Variants in KCNC4 observed in about 807,000 individuals in gnomAD.
KCNC4 encodes the protein potassium voltage-gated channel subfamily C member 4.
In KCNC4, 23 loss-of-function variants were observed where a neutral mutation model predicts 42.8. The ratio of observed to expected loss-of-function variants is 0.54; its 90% CI spans 0.39 to 0.76. The LOEUF is 0.76. KCNC4 is among the 30% of genes least tolerant of loss of function. The pLI, the probability that KCNC4 is intolerant of heterozygous loss-of-function variation, is 0.00. For synonymous variants in KCNC4, 422 were observed against 393.5 expected (o/e 1.07, Z -0.86); for missense variants, 751 against 898.2 (o/e 0.84, Z 2.10).
intron 1 of KCNC4, among the ~76,000 whole-genome samples, chr1:110,277,669 C>T (rs1659748047): frequency 6.6e-6 from 1 of 152,218 alleles, no homozygotes; most frequent in African/African-American, 2.4e-5. Flanking sequence ...GAAGTAACAT[C>T]ATAAAAGGCC....
At position 110,211,525 on chromosome 1, in the gene KCNC4, C is replaced by A; in HGVS notation, c.26C>A (p.Ser9Tyr). 1 of 1,613,972 alleles carries A rather than the reference C, an allele frequency of 6.2e-7. No individual in the cohort carries two copies. Among genetic ancestry groups the A allele is most frequent in the Non-Finnish European group, 8.5e-7 (1 of 1,179,960 alleles). Residue 9 changes from serine to tyrosine, a missense_variant, in exon 1 of 4, where the codon TCC becomes TAC. Ser to Tyr is a moderately radical substitution (Grantham distance 144). This residue lies in a region of KCNC4 where 183 missense variants were observed against 255.8 expected (regional missense o/e 0.72). Coordinates refer to ENST00000438661, the MANE Select transcript of KCNC4 (RefSeq NM_001039574.3). This position sits in a 1 kb window ranked among gnomAD's most constrained non-coding sequence, Gnocchi z 6.5. ...ATGATCAGCTCGGTGTGTGTCTCCT[C>A]CTACCGCGGGCGCAAGTCGGGGAAC... Reference protein sequence around the residue: MISSVCVSSYRGRKSGNKP... With the variant: MISSVCVSYYRGRKSGNKP...
intron 3 of KCNC4, 98 bp from the exon 4 acceptor site, chr1:110,232,813 T>A: frequency 6.5e-7 from 1 of 1,548,886 alleles, no homozygotes; most frequent in Non-Finnish European, 8.7e-7. Context: ...TGTTTCTCCC[T>A]TTCTTTTGCT....
At chr1:110,280,273 G>T (rs1244195455) in intron 1 of KCNC4, among the ~76,000 whole-genome samples, 2 of 152,132 alleles carry the variant, frequency 1.3e-5, no homozygotes, top group African/African-American at 4.8e-5. Context: ...AGGCCAGTGT[G>T]CCTCCAAAGC....
intron 1 of KCNC4, among the ~76,000 whole-genome samples, chr1:110,278,943 C>G (rs966411664): frequency 6.6e-6 from 1 of 152,150 alleles, no homozygotes; most frequent in Non-Finnish European, 1.5e-5. Flanking sequence ...AACCTTTCTT[C>G]CGTCTCATGT....
chr1:110,279,724 C>T (rs1054942884), intron 1 of KCNC4, among the ~76,000 whole-genome samples: 4 of 151,394 alleles, frequency 2.6e-5, no homozygotes, highest in South Asian at 2.1e-4. Context: ...GAATCTGGTA[C>T]CTGTGTCACT....
chr1:110,231,713 A>G (rs1191771167), intron 3 of KCNC4, among the ~76,000 whole-genome samples: 1 of 152,190 alleles, frequency 6.6e-6, no homozygotes, highest in Non-Finnish European at 1.5e-5. Flanking sequence ...GCGTGTCCTC[A>G]GAAATGGGGC....
chr1:110,222,793 A>C, intron 1 of KCNC4, 171 bp from the exon 2 acceptor site: 1 of 587,734 alleles, frequency 1.7e-6, no homozygotes, highest in South Asian at 2.2e-5. Flanking sequence ...CCCCAAGCAT[A>C]TGGATAAAGA....
chr1:110,253,271 T>G (rs1464541273), downstream of KCNC4, among the ~76,000 whole-genome samples: 2 of 152,204 alleles, frequency 1.3e-5, no homozygotes, highest in Non-Finnish European at 2.9e-5. Context: ...TGCATCTTCT[T>G]GTTTTGCACA....
In KCNC4 at chr1:110,211,479, C is replaced by G. The variant is rs1319376294; in HGVS notation, c.-21C>G. The stretch of plus-strand genomic sequence containing the variant: ...TTGGAGGGCAGCGGCCGCCCCAAGC[C>G]GGAGCCCCGCAGCGCTTCTTATGAT... On this transcript the variant is annotated 5_prime_UTR_variant, in exon 1 of 4. Transcript: ENST00000438661. This position sits in a 1 kb window ranked among gnomAD's most constrained non-coding sequence, Gnocchi z 6.5. 1.9e-6 allele frequency: 3 copies of G among 1,598,270 alleles called. No homozygotes were observed. Among genetic ancestry groups the G allele is most frequent in the East Asian group, 2.3e-5 (1 of 44,284 alleles).
intron 1 of KCNC4, among the ~76,000 whole-genome samples, chr1:110,271,235 G>C (rs1294221096): frequency 1.3e-5 from 2 of 152,174 alleles, no homozygotes; most frequent in Non-Finnish European, 2.9e-5. Flanking sequence ...GAGTATAGCT[G>C]AGCACTGATG....
At chr1:110,266,731 C>T (rs1476828189) in intron 1 of KCNC4, among the ~76,000 whole-genome samples, 4 of 152,138 alleles carry the variant, frequency 2.6e-5, no homozygotes, top group Non-Finnish European at 5.9e-5. Flanking sequence ...AGATTGGCCC[C>T]CTTGCTCTTT....
intron 3 of KCNC4, among the ~76,000 whole-genome samples, chr1:110,227,992 C>T (rs1211607785): frequency 6.6e-6 from 1 of 152,172 alleles, no homozygotes; most frequent in Non-Finnish European, 1.5e-5. Context: ...GCATGTAGCT[C>T]AGCCAATTAG....
At chr1:110,232,758 C>A in intron 3 of KCNC4, 153 bp from the exon 4 acceptor site, 1 of 1,535,574 alleles carries the variant, frequency 6.5e-7, no homozygotes, top group African/African-American at 1.4e-5. Flanking sequence ...CCTTAGCCCA[C>A]ACCCTGTGGG....
intron 1 of KCNC4, among the ~76,000 whole-genome samples, chr1:110,282,109 G>A (rs1035446791): frequency 2.6e-5 from 4 of 152,144 alleles, no homozygotes; most frequent in Admixed American, 6.5e-5. Context: ...TCCCACCCCC[G>A]AGTCATTCTC....
chr1:110,253,822 C>T (rs986946382), downstream of KCNC4, among the ~76,000 whole-genome samples: 3 of 152,176 alleles, frequency 2.0e-5, no homozygotes, highest in Non-Finnish European at 2.9e-5. Flanking sequence ...GAAAGCATCT[C>T]AAGTGAAGCT....
intron 1 of KCNC4, among the ~76,000 whole-genome samples, chr1:110,264,293 TGGA>T (rs1659501766): frequency 1.3e-5 from 2 of 152,130 alleles, no homozygotes; most frequent in South Asian, 4.1e-4. Flanking sequence ...CATCTCAAAG[TGGA>T]GGAGAGAGGA....
intron 1 of KCNC4, among the ~76,000 whole-genome samples, chr1:110,263,981 A>G (rs1659497910): frequency 6.6e-6 from 1 of 152,148 alleles, no homozygotes; most frequent in Non-Finnish European, 1.5e-5. Flanking sequence ...TCTTGGTACA[A>G]CTGAAGAATT....
At chr1:110,216,435 CA>C (rs1402747991) in intron 1 of KCNC4, among the ~76,000 whole-genome samples, 1 of 152,220 alleles carries the variant, frequency 6.6e-6, no homozygotes. Flanking sequence ...GCCCTGCCCG[CA>C]GGGCATCCTC....
rs1557865202 is a variant in KCNC4 at position 110,233,167 on chromosome 1, C to T, written c.*195C>T. ...TCTGATGTTCTGTTCCATTGTACAT[C>T]GAAGAGATATATATGCACATATAGT... On this transcript the variant is annotated 3_prime_UTR_variant, in exon 4 of 4. Transcript: ENST00000438661. 4 of 631,208 alleles carry T rather than the reference C, an allele frequency of 6.3e-6. No homozygotes were observed. Among genetic ancestry groups the T allele is most frequent in the African/African-American group, 1.8e-5 (1 of 54,476 alleles). 39.1% of individuals were successfully genotyped at this position (631,208 alleles called of 1,614,324 possible).
Sources: gnomAD v4.1 joint callset for allele counts (sites outside exome capture counted in the v4.1 genomes callset) on GRCh38, gnomAD v4.1.1 for gene constraint, gnomAD v4.1.1 regional missense constraint, Gnocchi (gnomAD v3.1) non-coding constraint, MANE v1.5 for transcripts, NCBI Gene and HGNC (gene_info 2026-07-23, HGNC 2026-07-21) for gene names.